ALOX15B: variants seen among roughly 807,000 people sequenced by gnomAD.
The protein encoded by ALOX15B is polyunsaturated fatty acid lipoxygenase ALOX15B.
ALOX15B carries 74 observed loss-of-function variants against 73.8 expected under a neutral mutation model. The observed-to-expected ratio is 1.00, with a 90% CI of 0.83 to 1.22. ALOX15B has a LOEUF of 1.22. Ranked by LOEUF, ALOX15B falls within the 50% of genes most tolerant of loss-of-function variation. The pLI, the probability that ALOX15B is intolerant of heterozygous loss-of-function variation, is 0.00. For synonymous variants in ALOX15B, 353 were observed against 357.2 expected, an observed-to-expected ratio of 0.99 and a Z score of 0.13; for missense variants, 896 against 859.9, an observed-to-expected ratio of 1.04 and a Z score of -0.52.
chr17:8,042,475 C>T lies in ALOX15B; in HGVS notation c.556C>T (p.Leu186=). The T allele has an allele frequency of 6.2e-7, 1 of 1,613,768 alleles. No homozygotes were observed. Among genetic ancestry groups the T allele is most frequent in the Non-Finnish European group, 8.5e-7 (1 of 1,179,996 alleles). ...YSTAKNANFY[L]QAGSAFAEMK... is the part of the protein sequence containing the mutation. ...CACAGCCAAGAATGCCAACTTTTAT[C>T]TACAGGCTGGCTCTGCGTGAGGATG... The change falls in exon 4 of 14, where the codon CTA becomes TTA. Residue 186 remains leucine, a synonymous_variant. Transcript: ENST00000380183.
Position 8,047,319 on chromosome 17 carries a change from G to C in ALOX15B, c.1519G>C (p.Glu507Gln). 6.2e-7 allele frequency: 1 copy of C among 1,614,100 alleles called. No individual in the cohort carries two copies. The highest frequency in any genetic ancestry group is 1.1e-5 in the South Asian group (1 of 91,070). The change falls in exon 11 of 14, where the codon GAG (glutamate) becomes CAG (glutamine). Residue 507 changes from glutamate (E) to glutamine (Q), a missense_variant. Coordinates refer to ENST00000380183, the MANE Select transcript of ALOX15B (RefSeq NM_001141.3). ...PSDESVQDDR[E>Q]LQAWVREIFS... ...TGATGAGTCTGTCCAAGATGACAGA[G>C]AGCTCCAGGCCTGGGTCAGAGAGAT...
At chr17:8,040,270 C>T (rs116106031) in intron 3 of ALOX15B, among the ~76,000 whole-genome samples, 5,044 of 152,120 alleles carry the variant, frequency 0.033, 283 homozygotes, top group African/African-American at 0.11. Context: ...GGCCAGGTGC[C>T]GTGGTGGCTC....
rs1976653756 is a variant in ALOX15B, at chr17:8,047,785, T to A, written c.1721T>A (p.Met574Lys). 1.2e-6 allele frequency: 2 copies of A among 1,614,146 alleles called. No homozygotes were observed. The highest frequency in any genetic ancestry group is 4.5e-5 in the East Asian group (2 of 44,880). Residue 574 changes from methionine to lysine, a missense_variant, in exon 13 of 14, where the codon ATG (methionine) becomes AAG (lysine). Physicochemically the swap from Met to Lys is moderately conservative, Grantham distance 95. Transcript: ENST00000380183. ...CAWMPNLPPS[M>K]QLPPPTSKGL... ...TGGATGCCCAACCTGCCACCCAGCA[T>A]GCAGCTGCCACCACCCACCTCCAAA...
In ALOX15B at chr17:8,047,931, G is replaced by A. The variant is rs777600947; in HGVS notation, c.1851+16G>A. 1.2e-6 allele frequency: 2 copies of A among 1,613,060 alleles called. No homozygotes were observed. Among genetic ancestry groups the A allele is most frequent in the Admixed American group, 3.3e-5 (2 of 59,918 alleles). The stretch of plus-strand genomic sequence containing the variant: ...TGGAGACCAAGTGAGTGTGGGGCTG[G>A]GGGCCAGGCTGGGCCAAATTGGGGT... On this transcript the variant is annotated intron_variant, in intron 13 of 13. Transcript: ENST00000380183.
chr17:8,040,615 G>GAAAGAAAGAAAGAAAGA (rs1567969561), intron 3 of ALOX15B, among the ~76,000 whole-genome samples: 1 of 123,292 alleles, frequency 8.1e-6, no homozygotes, highest in African/African-American at 2.8e-5. Context: ...AAGAAAGAAA[G>GAAAGAAAGAAAGAAAGA]AAAGAAAGAA....
intron 3 of ALOX15B, among the ~76,000 whole-genome samples, chr17:8,040,647 G>GAAAGAAAGAAAGAAAGAAAGAAAGA (rs1255631976): frequency 2.0e-4 from 24 of 122,264 alleles, no homozygotes; most frequent in African/African-American, 6.0e-4. Context: ...AAGAAAGAAA[G>GAAAGAAAGAAAGAAAGAAAGAAAGA]AAAGAAAAGA....
In ALOX15B at chr17:8,046,686, C is replaced by G. The variant is rs548801348; in HGVS notation, c.1219C>G (p.Arg407Gly). 3.1e-6 allele frequency: 5 copies of G among 1,613,890 alleles called. No homozygotes were observed. In the Admixed American group the frequency reaches 6.7e-5, roughly 22 times the overall value. ...CATGCAGCTGCTGATCCCGCACACC[C>G]GATACACCCTGCACATCAACACACT... ...PLFKLLIPHT[R>G]YTLHINTLAR... Residue 407 changes from arginine to glycine, a missense_variant, in exon 9 of 14, where the codon CGA becomes GGA. By Grantham distance (125) the Arg-to-Gly change is moderately radical (BLOSUM62 -2). Coordinates refer to ENST00000380183, the MANE Select transcript of ALOX15B (RefSeq NM_001141.3).
In ALOX15B at chr17:8,044,810, T is replaced by G; in HGVS notation, c.677-19T>G. 7.5e-6 allele frequency: 8 copies of G among 1,061,692 alleles called. No homozygotes were observed. The highest frequency in any genetic ancestry group is 8.7e-6 in the Non-Finnish European group (7 of 804,542). 65.8% of individuals were successfully genotyped at this position (1,061,692 alleles called of 1,614,324 possible). A position where few individuals can be genotyped will look rare whatever the true frequency, so the allele number is the denominator to read the frequency against. ...ACGCATTTGAGTGACCCCGTTCCCCTGTCCCCCACCCCCTGCAGAGCACGC... is the reference window on the plus strand; with the variant it reads ...ACGCATTTGAGTGACCCCGTTCCCCGGTCCCCCACCCCCTGCAGAGCACGC... On this transcript the variant is annotated intron_variant, in intron 5 of 13. Transcript: ENST00000380183.
At chr17:8,045,764 C>T (rs1431594180) in intron 8 of ALOX15B, 78 bp downstream of exon 8, 6 of 1,484,972 alleles carry the variant, frequency 4.0e-6, no homozygotes, top group East Asian at 2.4e-5. Context: ...TCACATGGCC[C>T]TATCCATGCA....
intron 8 of ALOX15B, 37 bp from the exon 9 acceptor site, chr17:8,046,631 A>G: frequency 1.3e-6 from 2 of 1,596,888 alleles, no homozygotes; most frequent in Non-Finnish European, 1.7e-6. Flanking sequence ...AGAACAACCC[A>G]GGCCTCCCCT....
At chr17:8,042,265 G>T in intron 3 of ALOX15B, 104 bp from the exon 4 acceptor site, 2 of 1,441,714 alleles carry the variant, frequency 1.4e-6, no homozygotes, top group Non-Finnish European at 1.9e-6. Flanking sequence ...GGCTGAAGGG[G>T]TCTGGCTGTG....
At chr17:8,040,593 GAA>G (rs1365577052) in intron 3 of ALOX15B, among the ~76,000 whole-genome samples, 37 of 104,764 alleles carry the variant, frequency 3.5e-4, no homozygotes, top group African/African-American at 1.5e-3. Context: ...AAGAGAGAAA[GAA>G]AGAGAGAGAA....
chr17:8,046,731 G>A lies in ALOX15B; in HGVS notation c.1264G>A (p.Val422Met), dbSNP rs773574980. 1.1e-5 allele frequency: 17 copies of A among 1,613,820 alleles called. No homozygotes were observed. Among genetic ancestry groups the A allele is most frequent in the South Asian group, 2.2e-5 (2 of 90,994 alleles). ...CACACTCGCCCGGGAGCTGCTTATC[G>A]TGCCAGGGCAGGTGGTGGACAGGGT... ...INTLARELLI[V>M]PGQVVDRSTG... Residue 422 changes from valine to methionine, a missense_variant, in exon 9 of 14, where the codon GTG becomes ATG. By Grantham distance (21) the Val-to-Met change is conservative. Transcript: ENST00000380183.
intron 5 of ALOX15B, among the ~76,000 whole-genome samples, chr17:8,044,105 G>GGAAGGAAGGA (rs1555638987): frequency 1.6e-5 from 1 of 62,320 alleles, no homozygotes. Context: ...GAGAGAGAGA[G>GGAAGGAAGGA]AGGAAGGAAG....
chr17:8,045,825 T>C, intron 8 of ALOX15B, 139 bp downstream of exon 8: 1 of 938,330 alleles, frequency 1.1e-6, no homozygotes, highest in Non-Finnish European at 1.6e-6. Flanking sequence ...CTGGCACAAC[T>C]CCCCTGGAAG....
chr17:8,044,441 AG>A, intron 5 of ALOX15B, among the ~76,000 whole-genome samples: 1 of 148,248 alleles, frequency 6.7e-6, no homozygotes, highest in Non-Finnish European at 1.5e-5. Flanking sequence ...AAAAAAAAAA[AG>A]GAAAGAAAAA....
chr17:8,044,151 G>GGAAGGAAGGAAA (rs796365678), intron 5 of ALOX15B, among the ~76,000 whole-genome samples: 2,439 of 112,768 alleles, frequency 0.022, 102 homozygotes, highest in African/African-American at 0.051. Context: ...AAGGAAGGAA[G>GGAAGGAAGGAAA]GAAAGAAAGA....
At chr17:8,046,094 A>G (rs1976601502) in intron 8 of ALOX15B, among the ~76,000 whole-genome samples, 2 of 152,146 alleles carry the variant, frequency 1.3e-5, no homozygotes, top group African/African-American at 2.4e-5. Context: ...AGACCCTGCT[A>G]GCTTTCAGAC....
Position 8,039,625 on chromosome 17 carries a change from G to A in ALOX15B, c.367+20G>A. ...GTACAGGTGAGGGGCGGGCCGGGCTGGGGCTGCAGGGGGAGCACAGGAAGG... is the reference window on the plus strand; with the variant it reads ...GTACAGGTGAGGGGCGGGCCGGGCTAGGGCTGCAGGGGGAGCACAGGAAGG... On this transcript the variant is annotated intron_variant, in intron 2 of 13. Coordinates refer to ENST00000380183, the MANE Select transcript of ALOX15B (RefSeq NM_001141.3). 1 of 1,186,534 alleles carries A rather than the reference G, an allele frequency of 8.4e-7. No individual in the cohort carries two copies. Among genetic ancestry groups the A allele is most frequent in the Non-Finnish European group, 1.2e-6 (1 of 837,418 alleles). 73.5% of individuals were successfully genotyped at this position (1,186,534 alleles called of 1,614,324 possible). A position where few individuals can be genotyped will look rare whatever the true frequency, so the allele number is the denominator to read the frequency against.
Sources: gnomAD v4.1 joint callset for allele counts (sites outside exome capture counted in the v4.1 genomes callset) on GRCh38, gnomAD v4.1.1 for gene constraint, MANE v1.5 for transcripts, NCBI Gene and HGNC (gene_info 2026-07-23, HGNC 2026-07-21) for gene names.